Variants in ADAMTSL1 observed in about 807,000 individuals in gnomAD.
ADAMTSL1 encodes the protein ADAMTS like 1, also known as ADAMTS-like protein 1.
A neutral mutation model predicts 201.8 loss-of-function variants in ADAMTSL1; 126 were observed. The observed-to-expected ratio is 0.62, with a 90% CI of 0.54 to 0.72. The LOEUF (loss-of-function observed/expected upper bound fraction) is 0.72, where lower values mean the gene tolerates loss of function less well. Ranked by LOEUF, ADAMTSL1 falls within the 30% of genes least tolerant of loss-of-function variation. The probability of loss-of-function intolerance (pLI) is 0.00; values close to 1 mark genes in which losing one functional copy is unlikely to be tolerated. For synonymous variants in ADAMTSL1, 1,121 were observed against 903.4 expected (o/e 1.24, Z -4.32); for missense variants, 2,679 against 2,277.8 (o/e 1.18, Z -3.59).
intron 2 of ADAMTSL1, among the ~76,000 whole-genome samples, chr9:18,426,970 C>T (rs575883946): frequency 4.6e-5 from 7 of 152,102 alleles, no homozygotes; most frequent in East Asian, 1.9e-4. Flanking sequence ...GTAGTATCTT[C>T]GAAACATTTT....
chr9:18,602,377 C>T (rs555391729), intron 4 of ADAMTSL1, among the ~76,000 whole-genome samples: 1 of 152,194 alleles, frequency 6.6e-6, no homozygotes, highest in Non-Finnish European at 1.5e-5. Flanking sequence ...AGGGTTCAAA[C>T]AATTTCTTAA....
intron 1 of ADAMTSL1, among the ~76,000 whole-genome samples, chr9:18,475,436 C>T (rs1754085064): frequency 6.6e-6 from 1 of 152,168 alleles, no homozygotes; most frequent in Non-Finnish European, 1.5e-5. Context: ...AGTAATCAGA[C>T]AGTGATTCAA....
chr9:18,866,231 T>C (rs756650747), intron 23 of ADAMTSL1, among the ~76,000 whole-genome samples: 5 of 151,964 alleles, frequency 3.3e-5, no homozygotes, highest in African/African-American at 4.8e-5. Flanking sequence ...CATGGATAAT[T>C]ATTCACTGGG....
chr9:18,405,668 A>G (rs944205710), intron 2 of ADAMTSL1, among the ~76,000 whole-genome samples: 1 of 152,122 alleles, frequency 6.6e-6, no homozygotes, highest in Non-Finnish European at 1.5e-5. Context: ...CTTGGGCTCA[A>G]GTTAATTTAA....
intron 22 of ADAMTSL1, among the ~76,000 whole-genome samples, chr9:18,827,791 C>T (rs141295431): frequency 7.9e-5 from 12 of 152,190 alleles, no homozygotes; most frequent in East Asian, 1.9e-4. Flanking sequence ...GCAGTGAACA[C>T]GGTGTTCGAA....
chr9:18,451,755 C>T (rs1820414726), intron 2 of ADAMTSL1, among the ~76,000 whole-genome samples: 1 of 152,190 alleles, frequency 6.6e-6, no homozygotes, highest in Non-Finnish European at 1.5e-5. Context: ...ATACTACAGG[C>T]TACGTAATTT....
chr9:18,268,144 T>C (rs1179531386), intron 2 of ADAMTSL1, among the ~76,000 whole-genome samples: 1 of 152,186 alleles, frequency 6.6e-6, no homozygotes, highest in Non-Finnish European at 1.5e-5. Flanking sequence ...TTATGCTATA[T>C]GTTTAGAATG....
At chr9:18,460,123 G>T (rs1820754364) in intron 2 of ADAMTSL1, among the ~76,000 whole-genome samples, 1 of 152,160 alleles carries the variant, frequency 6.6e-6, no homozygotes, top group South Asian at 2.1e-4. Flanking sequence ...GCATTGTTTT[G>T]ATGCTCTGAC....
Position 18,574,115 on chromosome 9 carries a change from G to A in ADAMTSL1, c.323G>A (p.Trp108Ter). 6.2e-7 allele frequency: 1 copy of A among 1,614,058 alleles called. No homozygotes were observed. Among genetic ancestry groups the A allele is most frequent in the Non-Finnish European group, 8.5e-7 (1 of 1,180,000 alleles). Residue 108 changes from tryptophan (W) to a stop codon, truncating the protein, a stop_gained, in exon 4 of 29, where the codon TGG becomes TAG. Transcript: ENST00000380548. LOFTEE classifies it high-confidence loss of function. ...AAGCACCATGGCCAGTTTTATGAAT[G>A]GCTTCCTGTGTCTAATGACCCTGAC... The part of the protein sequence containing the change: ...DVKHHGQFYE[W>*]LPVSNDPDNP...
At chr9:18,041,078 A>G (rs2131634203) in intron 1 of ADAMTSL1, among the ~76,000 whole-genome samples, 1 of 152,296 alleles carries the variant, frequency 6.6e-6, no homozygotes. Context: ...ATAAAAACCA[A>G]AGACACAAAT....
At chr9:18,820,961 T>A (rs1824173808) in intron 21 of ADAMTSL1, among the ~76,000 whole-genome samples, 1 of 152,084 alleles carries the variant, frequency 6.6e-6, no homozygotes, top group Non-Finnish European at 1.5e-5. Flanking sequence ...ACCTGGCTGG[T>A]GGTGTGGCTA....
In ADAMTSL1 at chr9:18,206,824, G is replaced by A. The variant is rs149077936; in HGVS notation, c.207+42843G>A. Among the ~76,000 whole-genome samples, 58 of 152,018 alleles carry A rather than the reference G, an allele frequency of 3.8e-4. No homozygotes were observed. In the East Asian group the frequency reaches 4.4e-3, roughly 12 times the overall value. On this transcript the variant is annotated intron_variant, in intron 2 of 29. Coordinates refer to the ADAMTSL1 transcript ENST00000680146. ...AAATTATCTAGAAATCTCTTGACCC[G>A]GACAGAATTGAAATCTGTCTCCTAC...
intron 19 of ADAMTSL1, among the ~76,000 whole-genome samples, chr9:18,780,071 G>A (rs1410321627): frequency 6.6e-6 from 1 of 152,184 alleles, no homozygotes; most frequent in Admixed American, 6.5e-5. Context: ...GGAGAACATT[G>A]AGCCCCTGGA....
intron 1 of ADAMTSL1, among the ~76,000 whole-genome samples, chr9:18,131,290 C>G (rs6475198): frequency 0.026 from 3,980 of 152,196 alleles, 175 homozygotes; most frequent in African/African-American, 0.09. Context: ...TCTCTGAGAA[C>G]AAGACCCAAA....
intron 2 of ADAMTSL1, among the ~76,000 whole-genome samples, chr9:18,449,089 C>A (rs892815294): frequency 2.3e-5 from 3 of 130,528 alleles, no homozygotes; most frequent in Non-Finnish European, 5.3e-5. Context: ...TTTTTAACTT[C>A]CGCATTTATT....
intron 2 of ADAMTSL1, among the ~76,000 whole-genome samples, chr9:18,236,494 A>C (rs1158822403): frequency 2.6e-5 from 4 of 152,250 alleles, no homozygotes; most frequent in African/African-American, 9.6e-5. Flanking sequence ...GTCCATATCA[A>C]AAGCTGTTTC....
rs147517596 is a variant in ADAMTSL1, at chr9:18,772,705, C to G, written c.2397+1924C>G. Among the ~76,000 whole-genome samples the G allele has an allele frequency of 5.7e-4, 87 of 152,192 alleles. 1 individual carries two copies. The highest frequency in any genetic ancestry group is 9.2e-4 in the Admixed American group (14 of 15,298). Reference sequence around the variant, plus strand: ...ATACTTTGTGCCTACTAAAAGTGAACCCTTATGATTGTCTTCCATTTGGGC... The same window carrying G: ...ATACTTTGTGCCTACTAAAAGTGAAGCCTTATGATTGTCTTCCATTTGGGC... On this transcript the variant is annotated intron_variant, in intron 17 of 28. Coordinates refer to ENST00000380548, the MANE Select transcript of ADAMTSL1 (RefSeq NM_001040272.6).
chr9:17,923,074 T>A (rs1000756745), intron 1 of ADAMTSL1, among the ~76,000 whole-genome samples: 4 of 152,224 alleles, frequency 2.6e-5, no homozygotes, highest in African/African-American at 9.6e-5. Context: ...TCAGGTTGTG[T>A]GATTCCTCCA....
chr9:18,575,991 T>C (rs1217025961), intron 4 of ADAMTSL1, among the ~76,000 whole-genome samples: 1 of 152,088 alleles, frequency 6.6e-6, no homozygotes, highest in Non-Finnish European at 1.5e-5. Flanking sequence ...TGAAAGAGAA[T>C]CCTATCTCAG....
Sources: gnomAD v4.1 joint callset for allele counts (sites outside exome capture counted in the v4.1 genomes callset) on GRCh38, gnomAD v4.1.1 for gene constraint, MANE v1.5 for transcripts, NCBI Gene and HGNC (gene_info 2026-07-23, HGNC 2026-07-21) for gene names.